The following CIT variants were observed in gnomAD, a reference collection of about 807,000 sequenced individuals.
CIT encodes citron Rho-interacting kinase.
Under a neutral mutation model 272.7 loss-of-function variants are expected in CIT, and 79 were observed. The observed-to-expected ratio is 0.29, with a 90% CI of 0.24 to 0.35. The LOEUF is 0.35. CIT is among the 10% of genes least tolerant of loss of function. The pLI is 1.00. For synonymous variants in CIT, 948 were observed against 995.6 expected (o/e 0.95, Z 0.90); for missense variants, 1,909 against 2,618.3 (o/e 0.73, Z 5.91).
rs552708902 is a variant in CIT, at chr12:119,757,331, G to A, written c.2706+40C>T. On this transcript the variant is annotated intron_variant, in intron 22 of 47. Coordinates refer to ENST00000392521, the MANE Select transcript of CIT (RefSeq NM_001206999.2). Reference sequence around the variant, plus strand: ...AGCTGACTTGTTCAGAGCCCGAATCGCCCAGCAAATCCTCCCAGGAGATGA... The same window carrying A: ...AGCTGACTTGTTCAGAGCCCGAATCACCCAGCAAATCCTCCCAGGAGATGA... 9.9e-5 allele frequency: 160 copies of A among 1,608,438 alleles called. No homozygotes were observed. Among genetic ancestry groups the A allele is most frequent in the South Asian group, 6.9e-4 (63 of 90,808 alleles).
intron 23 of CIT, among the ~76,000 whole-genome samples, chr12:119,750,296 T>C (rs993485597): frequency 3.9e-5 from 6 of 152,262 alleles, no homozygotes; most frequent in Non-Finnish European, 7.3e-5. Flanking sequence ...CTTCTTGGCA[T>C]GAACTCTTAT....
intron 1 of CIT, among the ~76,000 whole-genome samples, chr12:119,876,631 T>C (rs1221322667): frequency 6.6e-6 from 1 of 152,204 alleles, no homozygotes; most frequent in Non-Finnish European, 1.5e-5. Context: ...ATTTTTAGTG[T>C]GGTCAAATAA....
chr12:119,856,411 T>C (rs937836101), intron 4 of CIT, among the ~76,000 whole-genome samples: 4 of 152,136 alleles, frequency 2.6e-5, no homozygotes, highest in Non-Finnish European at 5.9e-5. Flanking sequence ...ATGGTTAAAA[T>C]GGTACACTTT....
intron 9 of CIT, 129 bp from the exon 10 acceptor site, chr12:119,803,518 T>G: frequency 3.3e-6 from 2 of 610,672 alleles, no homozygotes; most frequent in Non-Finnish European, 2.8e-6. Context: ...GCTTTCAATC[T>G]AGCTCGCAAC....
chr12:119,762,613 T>G (rs1238848640), intron 19 of CIT, among the ~76,000 whole-genome samples: 1 of 152,204 alleles, frequency 6.6e-6, no homozygotes, highest in East Asian at 1.9e-4. Flanking sequence ...GCCCTTTATA[T>G]TTTATGAGGT....
chr12:119,734,241 G>A lies in CIT; in HGVS notation c.3273C>T (p.Val1091=). The A allele has an allele frequency of 6.2e-7, 1 of 1,613,616 alleles. No individual in the cohort carries two copies. The highest frequency in any genetic ancestry group is 8.5e-7 in the Non-Finnish European group (1 of 1,179,922). Residue 1091 remains valine (V), a synonymous_variant, in exon 26 of 48, where the codon GTC becomes GTT. Transcript: ENST00000392521. ...CAAACTGGGATTTCTCATCACCCAGGACGCTCCTCCAGGCCTCCCACTGCC... is the reference window on the plus strand; with the variant it reads ...CAAACTGGGATTTCTCATCACCCAGAACGCTCCTCCAGGCCTCCCACTGCC... ...KERQWEAWRS[V]LGDEKSQFEC... is the part of the protein sequence containing the mutation.
chr12:119,856,902 A>C (rs1836367074), intron 4 of CIT, among the ~76,000 whole-genome samples: 1 of 152,200 alleles, frequency 6.6e-6, no homozygotes. Context: ...CAGACATATC[A>C]TGTGCACTAA....
chr12:119,802,921 C>A (rs1012322426), intron 10 of CIT, among the ~76,000 whole-genome samples: 9 of 152,198 alleles, frequency 5.9e-5, no homozygotes, highest in African/African-American at 2.2e-4. Flanking sequence ...CTCCCACTCT[C>A]TCCCCTTTAA....
intron 41 of CIT, among the ~76,000 whole-genome samples, chr12:119,702,595 G>C (rs552629516): frequency 6.6e-6 from 1 of 152,212 alleles, no homozygotes; most frequent in African/African-American, 2.4e-5. Flanking sequence ...GCTGAGGCAG[G>C]AGAATCGCTC....
chr12:119,835,621 T>C (rs1456217797), intron 5 of CIT, among the ~76,000 whole-genome samples: 1 of 152,074 alleles, frequency 6.6e-6, no homozygotes, highest in East Asian at 1.9e-4. Flanking sequence ...AAACACTAAA[T>C]CTCACAAACT....
Position 119,690,653 on chromosome 12 carries a change from C to T in CIT, c.5883-199G>A, listed in dbSNP as rs180685334. On this transcript the variant is annotated intron_variant, in intron 46 of 47. Coordinates refer to ENST00000392521, the MANE Select transcript of CIT (RefSeq NM_001206999.2). The surrounding 1 kb of genome is among the most constrained non-coding windows in gnomAD (Gnocchi z 6.0). ...AGAGAGCAAAGATGGCAACAAAAGACAACCCACCTTCCTCAGTGCAGGCTT... is the reference window on the plus strand; with the variant it reads ...AGAGAGCAAAGATGGCAACAAAAGATAACCCACCTTCCTCAGTGCAGGCTT... 3.3e-5 allele frequency among the ~76,000 whole-genome samples: 5 copies of T among 152,346 alleles called. No individual in the cohort carries two copies. The highest frequency in any genetic ancestry group is 3.3e-4 in the Admixed American group (5 of 15,310).
chr12:119,813,826 C>T (rs1966899806), intron 9 of CIT, among the ~76,000 whole-genome samples: 1 of 152,192 alleles, frequency 6.6e-6, no homozygotes, highest in South Asian at 2.1e-4. Flanking sequence ...CCCACCAGGT[C>T]ACAGGGGGTC....
intron 3 of CIT, among the ~76,000 whole-genome samples, chr12:119,862,828 A>AAAAAAAAAAAAAAAAAAAAAAAAAAAAAC (rs1950388641): frequency 7.3e-6 from 1 of 136,932 alleles, no homozygotes; most frequent in African/African-American, 3.0e-5. Flanking sequence ...AAAAAAAAAA[A>AAAAAAAAAAAAAAAAAAAAAAAAAAAAAC]AAAAAAAAAA....
chr12:119,788,856 A>C (rs1965040575), intron 10 of CIT, among the ~76,000 whole-genome samples: 1 of 152,240 alleles, frequency 6.6e-6, no homozygotes, highest in Non-Finnish European at 1.5e-5. Context: ...CACAGCAATT[A>C]AGAGCTCTTT....
rs1294703335 is a variant in CIT at position 119,701,838 on chromosome 12, G to A, written c.5413+12C>T. The A allele has an allele frequency of 1.2e-6, 2 of 1,613,956 alleles. No homozygotes were observed. Among genetic ancestry groups the A allele is most frequent in the Admixed American group, 1.7e-5 (1 of 60,036 alleles). On this transcript the variant is annotated intron_variant, in intron 42 of 47. Coordinates refer to ENST00000392521, the MANE Select transcript of CIT (RefSeq NM_001206999.2). ...AGCCATGGGTGGGTGCGAAAGTGGA[G>A]GTGGGTCCTACCCTCGAGCGTGTAC...
chr12:119,779,799 A>G (rs1964117518), intron 13 of CIT, among the ~76,000 whole-genome samples: 1 of 152,232 alleles, frequency 6.6e-6, no homozygotes, highest in Admixed American at 6.5e-5. Flanking sequence ...CGGGGCACCC[A>G]GTCTCCTACA....
intron 46 of CIT, among the ~76,000 whole-genome samples, chr12:119,692,237 C>T (rs903630463): frequency 1.3e-5 from 2 of 152,114 alleles, no homozygotes; most frequent in Admixed American, 6.5e-5. Flanking sequence ...TTGCTTGAGC[C>T]CAGGAGTTCA....
chr12:119,778,960 C>T (rs936360567), intron 13 of CIT, among the ~76,000 whole-genome samples: 5 of 152,168 alleles, frequency 3.3e-5, no homozygotes, highest in African/African-American at 4.8e-5. Flanking sequence ...GTGGTTCACG[C>T]CTGTAATCCC....
intron 10 of CIT, among the ~76,000 whole-genome samples, chr12:119,789,854 C>T (rs941944057): frequency 4.6e-5 from 7 of 151,824 alleles, no homozygotes; most frequent in African/African-American, 9.7e-5. Flanking sequence ...TACAGGCGCA[C>T]GCCACCACGC....
Sources: allele counts gnomAD v4.1 joint callset (sites outside exome capture counted in the v4.1 genomes callset), GRCh38; gene constraint gnomAD v4.1.1; non-coding constraint Gnocchi (gnomAD v3.1); transcripts MANE v1.5; gene names NCBI Gene and HGNC (gene_info 2026-07-23, HGNC 2026-07-21).